The following ZBTB17 variants were observed in gnomAD, a reference collection of about 807,000 sequenced individuals.
The protein encoded by ZBTB17 is zinc finger and BTB domain-containing protein 17.
Under a neutral mutation model 85.1 loss-of-function variants are expected in ZBTB17, and 24 were observed. The ratio of observed to expected loss-of-function variants is 0.28; its 90% CI spans 0.20 to 0.40. The LOEUF (loss-of-function observed/expected upper bound fraction) is 0.40. ZBTB17 is among the 10% of genes least tolerant of loss of function. The pLI is 1.00. For missense variants in ZBTB17, 743 were observed against 1,105.1 expected, an observed-to-expected ratio of 0.67 and a Z score of 4.65; for synonymous variants, 464 against 460.2, an observed-to-expected ratio of 1.01 and a Z score of -0.11.
Position 15,944,491 on chromosome 1 carries a change from C to T in ZBTB17, c.1180G>A (p.Asp394Asn). Residue 394 changes from aspartate (D) to asparagine (N), a missense_variant, in exon 9 of 16, where the codon GAC (aspartate) becomes AAC (asparagine). This residue lies in a region of ZBTB17 where 321 missense variants were observed against 615.7 expected (regional missense o/e 0.52). Coordinates refer to ENST00000375743, the MANE Select transcript of ZBTB17 (RefSeq NM_003443.3). ...HSGEARYRCE[D>N]CGKLFTTSGN... ...GAGGTGGTGAAGAGCTTGCCGCAGTCCTCGCAGCGGTAGCGCGCCTCGCCC... is the reference window on the plus strand; with the variant it reads ...GAGGTGGTGAAGAGCTTGCCGCAGTTCTCGCAGCGGTAGCGCGCCTCGCCC... 3.2e-6 allele frequency: 5 copies of T among 1,579,890 alleles called. No homozygotes were observed. The highest frequency in any genetic ancestry group is 4.3e-6 in the Non-Finnish European group (5 of 1,164,996).
chr1:15,974,295 C>G (rs890429238), intron 1 of ZBTB17, among the ~76,000 whole-genome samples: 9 of 150,142 alleles, frequency 6.0e-5, no homozygotes, highest in Non-Finnish European at 1.2e-4. Context: ...CTGGGACCAC[C>G]AGAGGTGTAC....
chr1:15,965,224 A>C (rs2072401386), intron 2 of ZBTB17, among the ~76,000 whole-genome samples: 1 of 152,226 alleles, frequency 6.6e-6, no homozygotes, highest in Admixed American at 6.5e-5. Flanking sequence ...ATAACTGACA[A>C]AGAATTAGTA....
intron 9 of ZBTB17, 90 bp from the exon 10 acceptor site, chr1:15,943,985 C>G: frequency 7.6e-7 from 1 of 1,314,478 alleles, no homozygotes; most frequent in Non-Finnish European, 1.1e-6. Flanking sequence ...ACAATTGACT[C>G]TCAGGCTTGC....
At chr1:15,958,006 G>T (rs1474617939) in intron 2 of ZBTB17, among the ~76,000 whole-genome samples, 1 of 152,138 alleles carries the variant, frequency 6.6e-6, no homozygotes, top group African/African-American at 2.4e-5. Context: ...CATGGAAGCA[G>T]GTATTGGATA....
chr1:15,947,183 C>T, intron 3 of ZBTB17, 60 bp from the exon 4 acceptor site: 1 of 1,519,242 alleles, frequency 6.6e-7, no homozygotes, highest in South Asian at 1.2e-5. Context: ...GGCAGCCTGC[C>T]CCACCACTCC....
chr1:15,943,045 G>T lies in ZBTB17; in HGVS notation c.1828+19C>A. Reference sequence around the variant, plus strand: ...GCAGGGCCTGGGAAGGAACAGGCATGGTAGGGGCCACAGCTCACCAGTGTG... The same window carrying T: ...GCAGGGCCTGGGAAGGAACAGGCATTGTAGGGGCCACAGCTCACCAGTGTG... On this transcript the variant is annotated intron_variant, in intron 13 of 15. Coordinates refer to ENST00000375743, the MANE Select transcript of ZBTB17 (RefSeq NM_003443.3). 6.2e-7 allele frequency: 1 copy of T among 1,613,782 alleles called. No individual in the cohort carries two copies. Among genetic ancestry groups the T allele is most frequent in the South Asian group, 1.1e-5 (1 of 91,020 alleles).
intron 2 of ZBTB17, among the ~76,000 whole-genome samples, chr1:15,961,549 C>A (rs773423727): frequency 2.0e-5 from 3 of 152,200 alleles, no homozygotes; most frequent in Non-Finnish European, 2.9e-5. Flanking sequence ...AAAACGGATG[C>A]GGAAGTGCTG....
intron 2 of ZBTB17, among the ~76,000 whole-genome samples, chr1:15,956,281 G>C (rs4661346): frequency 0.25 from 37,981 of 152,116 alleles, 5,416 homozygotes; most frequent in South Asian, 0.43. Context: ...TCACTGCAAG[G>C]TGGGGCTACT....
rs191955921 is a variant in ZBTB17, at chr1:15,952,442, C to A, written c.-2-3945G>T. On this transcript the variant is annotated intron_variant, in intron 2 of 15. Coordinates refer to ENST00000375743, the MANE Select transcript of ZBTB17 (RefSeq NM_003443.3). This position sits in a 1 kb window ranked among gnomAD's most constrained non-coding sequence, Gnocchi z 4.3. ...CGGAACAGACGCGGCAGAACCGACACGGCGGAACGGACGCGGATGATGCAG... is the reference window on the plus strand; with the variant it reads ...CGGAACAGACGCGGCAGAACCGACAAGGCGGAACGGACGCGGATGATGCAG... Among the ~76,000 whole-genome samples the A allele has an allele frequency of 6.6e-6, 1 of 152,236 alleles. No homozygotes were observed. Among genetic ancestry groups the A allele is most frequent in the Non-Finnish European group, 1.5e-5 (1 of 68,050 alleles).
At chr1:15,945,990 G>C (rs1570114639) in intron 5 of ZBTB17, 150 bp from the exon 6 acceptor site, 2 of 1,545,716 alleles carry the variant, frequency 1.3e-6, no homozygotes. Flanking sequence ...GTCTGCTCTG[G>C]TTGAAACAGA....
intron 6 of ZBTB17, 27 bp from the exon 7 acceptor site, chr1:15,945,229 G>C (rs905621110): frequency 5.8e-6 from 9 of 1,548,192 alleles, no homozygotes; most frequent in Non-Finnish European, 7.9e-6. Context: ...AAGCATGGAG[G>C]CGGCAGCCCT....
rs1042294757 is a variant in ZBTB17, at chr1:15,948,321, C to T, written c.175G>A (p.Val59Met). The change falls in exon 3 of 16, where the codon GTG becomes ATG. Residue 59 changes from valine (V) to methionine (M), a missense_variant. Val to Met is a conservative substitution (Grantham distance 21). Around this residue, in one of 4 missense-constraint regions of ZBTB17, gnomAD observed 74 missense variants for 142.6 expected, o/e 0.52. Coordinates refer to ENST00000375743, the MANE Select transcript of ZBTB17 (RefSeq NM_003443.3). ...GCGTTACTGATGTCCAGGTGCACCA[C>T]GTCCTTCTGGTCCACGAAGAGCATC... ...FKMLFVDQKD[V>M]VHLDISNAAG... 4.3e-6 allele frequency: 7 copies of T among 1,613,796 alleles called. No individual in the cohort carries two copies. Among genetic ancestry groups the T allele is most frequent in the East Asian group, 2.2e-5 (1 of 44,902 alleles).
intron 2 of ZBTB17, among the ~76,000 whole-genome samples, chr1:15,954,271 A>G (rs914892889): frequency 6.6e-6 from 1 of 152,232 alleles, no homozygotes; most frequent in African/African-American, 2.4e-5. Flanking sequence ...CACCTGTCAA[A>G]CATGAAATGT....
intron 5 of ZBTB17, 79 bp downstream of exon 5, chr1:15,946,075 A>G: frequency 6.3e-7 from 1 of 1,596,586 alleles, no homozygotes; most frequent in Non-Finnish European, 8.5e-7. Context: ...TACCTGCCCC[A>G]AGGCAGCCCT....
chr1:15,969,608 T>C, intron 2 of ZBTB17: 1 of 408,760 alleles, frequency 2.4e-6, no homozygotes, highest in Non-Finnish European at 4.9e-6. Context: ...CCTCGGAGGG[T>C]GGGGGGAGCA....
In ZBTB17 at chr1:15,943,792, G is replaced by T; in HGVS notation, c.1459+16C>A. The stretch of plus-strand genomic sequence containing the variant: ...GAGCAGGGGTGTGAGGGCAGCCAGG[G>T]CAGCCCTGGCCCTACCTGAGGTGGT... On this transcript the variant is annotated intron_variant, in intron 10 of 15. Transcript: ENST00000375743. 6.2e-7 allele frequency: 1 copy of T among 1,612,490 alleles called. No individual in the cohort carries two copies. Among genetic ancestry groups the T allele is most frequent in the Non-Finnish European group, 8.5e-7 (1 of 1,179,598 alleles).
chr1:15,946,965 C>G lies in ZBTB17; in HGVS notation c.364G>C (p.Gly122Arg). Reference sequence around the variant, plus strand: ...GTGGCCAAGGCCTCCGCATTTCCCCCAGGGCTGGTAGCCGGCTCAGCAAGT... The same window carrying G: ...GTGGCCAAGGCCTCCGCATTTCCCCGAGGGCTGGTAGCCGGCTCAGCAAGT... ...KSLAEPATSP[G>R]GNAEALATEG... Residue 122 changes from glycine to arginine, a missense_variant, in exon 4 of 16, where the codon GGG becomes CGG. This residue lies in a region of ZBTB17 where 279 missense variants were observed against 269.9 expected (regional missense o/e 1.03). Coordinates refer to ENST00000375743, the MANE Select transcript of ZBTB17 (RefSeq NM_003443.3). 6.2e-7 allele frequency: 1 copy of G among 1,613,502 alleles called. No homozygotes were observed.
chr1:15,954,633 A>T (rs116131394), intron 2 of ZBTB17, among the ~76,000 whole-genome samples: 68 of 150,162 alleles, frequency 4.5e-4, no homozygotes, highest in Middle Eastern at 7.2e-3. Flanking sequence ...CCGAGGCAGG[A>T]CTGTGGGAGG....
intron 2 of ZBTB17, among the ~76,000 whole-genome samples, chr1:15,961,550 G>A (rs2072258308): frequency 6.6e-6 from 1 of 152,206 alleles, no homozygotes; most frequent in Non-Finnish European, 1.5e-5. Flanking sequence ...AAACGGATGC[G>A]GAAGTGCTGT....
Sources: allele counts gnomAD v4.1 joint callset (sites outside exome capture counted in the v4.1 genomes callset), GRCh38; gene constraint gnomAD v4.1.1; regional missense constraint gnomAD v4.1.1; non-coding constraint Gnocchi (gnomAD v3.1); transcripts MANE v1.5; gene names NCBI Gene and HGNC (gene_info 2026-07-23, HGNC 2026-07-21).